The following MAFK variants were observed in gnomAD, a reference collection of about 807,000 sequenced individuals.
MAFK encodes transcription factor MafK.
In MAFK, 1 loss-of-function variant was observed where a neutral mutation model predicts 9.2. The observed-to-expected ratio is 0.11, with a 90% confidence interval of 0.04 to 0.52. MAFK has a LOEUF of 0.52. Ranked by LOEUF, MAFK falls within the 20% of genes least tolerant of loss-of-function variation. MAFK has a pLI of 0.94. For synonymous variants in MAFK, 110 were observed against 107.4 expected (o/e 1.02, Z -0.15); for missense variants, 207 against 236.0 (o/e 0.88, Z 0.81).
chr7:1,533,868 G>A (rs997404842), intron 1 of MAFK, among the ~76,000 whole-genome samples: 9 of 152,254 alleles, frequency 5.9e-5, no homozygotes, highest in African/African-American at 2.2e-4. Context: ...GCCCCAGGGC[G>A]GCCGGGGGAG....
chr7:1,534,329 C>A lies in MAFK; in HGVS notation c.-45+3431C>A, dbSNP rs1265926627. The A allele has an allele frequency of 6.6e-6, 3 of 454,986 alleles. No homozygotes were observed. Among genetic ancestry groups the A allele is most frequent in the South Asian group, 4.6e-5 (3 of 64,546 alleles). The allele number at this position is 454,986 out of a possible 1,614,324, so 28.2% of individuals were successfully genotyped here. Reference sequence around the variant, plus strand: ...CTGTTTGACAGGCACCCACTGGGTACCAGTGCCACAGCGGCCCCACCTACC... The same window carrying A: ...CTGTTTGACAGGCACCCACTGGGTAACAGTGCCACAGCGGCCCCACCTACC... On this transcript the variant is annotated intron_variant, in intron 1 of 2. Coordinates refer to ENST00000343242, the MANE Select transcript of MAFK (RefSeq NM_002360.4). The surrounding 1 kb of genome is among the most constrained non-coding windows in gnomAD (Gnocchi z 4.3).
rs1011421349 is a variant in MAFK at position 1,532,177 on chromosome 7, A to G, written c.-45+1279A>G. Among the ~76,000 whole-genome samples, 1 of 152,166 alleles carries G rather than the reference A, an allele frequency of 6.6e-6. No homozygotes were observed. The highest frequency in any genetic ancestry group is 1.5e-5 in the Non-Finnish European group (1 of 68,038). Reference sequence around the variant, plus strand: ...TTACTGGCACTGAGGTTTCACCGTCACGGTGTGTTGTTGTAAGGGGTTCTC... The same window carrying G: ...TTACTGGCACTGAGGTTTCACCGTCGCGGTGTGTTGTTGTAAGGGGTTCTC... On this transcript the variant is annotated intron_variant, in intron 1 of 2. Coordinates refer to ENST00000343242, the MANE Select transcript of MAFK (RefSeq NM_002360.4). The surrounding 1 kb of genome is among the most constrained non-coding windows in gnomAD (Gnocchi z 4.5).
chr7:1,536,778 G>C (rs556047083), intron 1 of MAFK, among the ~76,000 whole-genome samples: 1 of 152,222 alleles, frequency 6.6e-6, no homozygotes, highest in East Asian at 1.9e-4. Flanking sequence ...ATCCCATCCC[G>C]TGCTGGGTTC....
chr7:1,535,140 TG>T (rs1783998615), intron 1 of MAFK, among the ~76,000 whole-genome samples: 1 of 135,284 alleles, frequency 7.4e-6, no homozygotes, highest in Non-Finnish European at 1.5e-5. Flanking sequence ...CAGGCTGGCC[TG>T]AAACTACTGG....
rs1783975424 is a variant in MAFK at position 1,534,353 on chromosome 7, C to G, written c.-45+3455C>G. 2 of 452,050 alleles carry G rather than the reference C, an allele frequency of 4.4e-6. No individual in the cohort carries two copies. 28.0% of individuals were successfully genotyped at this position (452,050 alleles called of 1,614,324 possible). On this transcript the variant is annotated intron_variant, in intron 1 of 2. Transcript: ENST00000343242. The surrounding 1 kb of genome is among the most constrained non-coding windows in gnomAD (Gnocchi z 4.3). ...ACCAGTGCCACAGCGGCCCCACCTACCCTTGCGGCCCAGTGTGGAGGGCAC... is the reference window on the plus strand; with the variant it reads ...ACCAGTGCCACAGCGGCCCCACCTAGCCTTGCGGCCCAGTGTGGAGGGCAC...
rs1422599793 is a variant in MAFK at position 1,534,691 on chromosome 7, G to A, written c.-45+3793G>A. 2.2e-6 allele frequency: 1 copy of A among 455,214 alleles called. No homozygotes were observed. The highest frequency in any genetic ancestry group is 4.4e-6 in the Non-Finnish European group (1 of 226,162). The allele number at this position is 455,214 out of a possible 1,614,324, so 28.2% of individuals were successfully genotyped here. On this transcript the variant is annotated intron_variant, in intron 1 of 2. Coordinates refer to ENST00000343242, the MANE Select transcript of MAFK (RefSeq NM_002360.4). The surrounding 1 kb of genome is among the most constrained non-coding windows in gnomAD (Gnocchi z 4.3). ...GCTGAGGGGGTGGGGCATGGAGTCT[G>A]TGTCATCATTCACCCCTTGGGCAAG...
At chr7:1,537,498 C>G in intron 1 of MAFK, 1 of 985,540 alleles carries the variant, frequency 1.0e-6, no homozygotes, top group African/African-American at 1.7e-5. Flanking sequence ...TTGCAGGTCC[C>G]CACGGTGGCG....
At chr7:1,539,794 T>C (rs1784131330) in intron 2 of MAFK, 147 bp from the exon 3 acceptor site, 1 of 673,822 alleles carries the variant, frequency 1.5e-6, no homozygotes, top group African/African-American at 1.8e-5. Context: ...GTGCACAGTG[T>C]CCTGTGGTCC....
At position 1,541,673 on chromosome 7, in the gene MAFK, A is replaced by C. The variant is rs1180267753; in HGVS notation, c.*1298A>C. The C allele has an allele frequency of 6.6e-6, 1 of 152,192 alleles. No homozygotes were observed. The highest frequency in any genetic ancestry group is 1.9e-4 in the East Asian group (1 of 5,176). 9.4% of individuals were successfully genotyped at this position (152,192 alleles called of 1,614,324 possible). ...CCCCAGGAGCACAGCCACGGGCTGC[A>C]GGTGTGGCTGGCCTCAGCACTCAGT... On this transcript the variant is annotated 3_prime_UTR_variant, in exon 3 of 3. Coordinates refer to ENST00000343242, the MANE Select transcript of MAFK (RefSeq NM_002360.4).
In MAFK at chr7:1,540,222, C is replaced by G; in HGVS notation, c.318C>G (p.Ala106=). 1 of 1,601,302 alleles carries G rather than the reference C, an allele frequency of 6.2e-7. No homozygotes were observed. Among genetic ancestry groups the G allele is most frequent in the Non-Finnish European group, 8.5e-7 (1 of 1,175,004 alleles). The stretch of plus-strand genomic sequence containing the variant: ...GCAGCATGCGGCTGGAGCTGGACGC[C>G]CTGCGCTCCAAGTACGAGGCGCTGC... ...ENSSMRLELD[A]LRSKYEALQT... Residue 106 remains alanine, a synonymous_variant, in exon 3 of 3, where the codon GCC becomes GCG. Transcript: ENST00000343242.
rs1783886510 is a variant in MAFK, at chr7:1,530,881, C to G, written c.-62C>G. The G allele has an allele frequency of 6.9e-6, 1 of 145,924 alleles. No homozygotes were observed. Among genetic ancestry groups the G allele is most frequent in the African/African-American group, 2.5e-5 (1 of 40,544 alleles). The allele number at this position is 145,924 out of a possible 1,614,324, so 9.0% of individuals were successfully genotyped here. On this transcript the variant is annotated 5_prime_UTR_variant, in exon 1 of 3. Transcript: ENST00000343242. ...CGCGAGGAGCCGCCGCGCGCCCGCGCCCTCCGCGCGACGCCAGGTGAGGGG... is the reference window on the plus strand; with the variant it reads ...CGCGAGGAGCCGCCGCGCGCCCGCGGCCTCCGCGCGACGCCAGGTGAGGGG...
intron 1 of MAFK, among the ~76,000 whole-genome samples, chr7:1,533,497 C>A (rs913709138): frequency 6.6e-6 from 1 of 152,160 alleles, no homozygotes; most frequent in African/African-American, 2.4e-5. Context: ...CACGTGCTCT[C>A]TGCAGATGGT....
chr7:1,536,201 C>T (rs1403046393), intron 1 of MAFK, among the ~76,000 whole-genome samples: 1 of 152,182 alleles, frequency 6.6e-6, no homozygotes, highest in South Asian at 2.1e-4. Flanking sequence ...AAACTCAGAC[C>T]CGCCCACCCA....
rs952915120 is a variant in MAFK at position 1,534,424 on chromosome 7, C to T, written c.-45+3526C>T. On this transcript the variant is annotated intron_variant, in intron 1 of 2. Coordinates refer to ENST00000343242, the MANE Select transcript of MAFK (RefSeq NM_002360.4). The surrounding 1 kb of genome is among the most constrained non-coding windows in gnomAD (Gnocchi z 4.3). ...GAAAGGCTCCTGGGAGAGGCGGGTA[C>T]ACCTTGGGTGGCCTCTGGTTTTGTG... 1.6e-5 allele frequency: 7 copies of T among 436,088 alleles called. No homozygotes were observed. The highest frequency in any genetic ancestry group is 2.4e-5 in the Non-Finnish European group (5 of 212,370). The allele number at this position is 436,088 out of a possible 1,614,324, so 27.0% of individuals were successfully genotyped here. A position where few individuals can be genotyped will look rare whatever the true frequency, so the allele number is the denominator to read the frequency against.
chr7:1,531,087 C>T (rs1419188402), intron 1 of MAFK, among the ~76,000 whole-genome samples, 189 bp downstream of exon 1: 1 of 148,070 alleles, frequency 6.8e-6, no homozygotes, highest in East Asian at 2.0e-4. Context: ...CCAGGTGGGC[C>T]CCGCCCCGCA....
In MAFK at chr7:1,530,759, CTTG is replaced by C. The variant is rs1007220732; in HGVS notation, c.-178_-176del. On this transcript the variant is annotated 5_prime_UTR_variant, in exon 1 of 3. Coordinates refer to ENST00000343242, the MANE Select transcript of MAFK (RefSeq NM_002360.4). ...GGTGGCGGCGGGCGGCGCGGGGGCA[CTTG>C]TTGTTCTTCGCGAAGTCGGAGCCCG... The C allele has an allele frequency of 6.0e-5, 9 of 148,780 alleles. No individual in the cohort carries two copies. The highest frequency in any genetic ancestry group is 2.0e-4 in the East Asian group (1 of 5,046). The allele number at this position is 148,780 out of a possible 1,614,324, so 9.2% of individuals were successfully genotyped here.
In MAFK at chr7:1,541,289, G is replaced by A. The variant is rs1258628639; in HGVS notation, c.*914G>A. On this transcript the variant is annotated 3_prime_UTR_variant, in exon 3 of 3. Transcript: ENST00000343242. ...ATCATTTGACGGTGAGCAGGACTCA[G>A]GCTGTGTGTCCTGGAGCTACTTCTC... 6.5e-6 allele frequency: 1 copy of A among 152,792 alleles called. No individual in the cohort carries two copies. Among genetic ancestry groups the A allele is most frequent in the Non-Finnish European group, 1.5e-5 (1 of 68,186 alleles). 9.5% of individuals were successfully genotyped at this position (152,792 alleles called of 1,614,324 possible). A position where few individuals can be genotyped will look rare whatever the true frequency, so the allele number is the denominator to read the frequency against.
In MAFK at chr7:1,540,799, G is replaced by C. The variant is rs138698752; in HGVS notation, c.*424G>C. 456 of 167,710 alleles carry C rather than the reference G, an allele frequency of 2.7e-3. No homozygotes were observed. In the Middle Eastern group the frequency reaches 0.044, roughly 16 times the overall value. 10.4% of individuals were successfully genotyped at this position (167,710 alleles called of 1,614,324 possible). A position where few individuals can be genotyped will look rare whatever the true frequency, so the allele number is the denominator to read the frequency against. On this transcript the variant is annotated 3_prime_UTR_variant, in exon 3 of 3. Transcript: ENST00000343242. ...TCCACTCCTGCTGTAAGCAGCCTTC[G>C]ACACCTGTCCTGCCACGGCCTCCCA...
rs1783880336 is a variant in MAFK, at chr7:1,530,709, G to A, written c.-234G>A. 1.3e-5 allele frequency: 2 copies of A among 150,170 alleles called. No homozygotes were observed. Among genetic ancestry groups the A allele is most frequent in the African/African-American group, 2.4e-5 (1 of 41,110 alleles). 9.3% of individuals were successfully genotyped at this position (150,170 alleles called of 1,614,324 possible). On this transcript the variant is annotated 5_prime_UTR_variant, in exon 1 of 3. The change abolishes an upstream ATG in the 5' untranslated region. Transcript: ENST00000343242. ...GCGGATCCCGGAAGCGGTGTCAGAT[G>A]CTGGGGAGCCGGGCGGGCGGGTGCG...
Sources: gnomAD v4.1 joint callset for allele counts (sites outside exome capture counted in the v4.1 genomes callset) on GRCh38, gnomAD v4.1.1 for gene constraint, Gnocchi (gnomAD v3.1) non-coding constraint, MANE v1.5 for transcripts, NCBI Gene and HGNC (gene_info 2026-07-23, HGNC 2026-07-21) for gene names.